The following FRY variants were observed in gnomAD, a reference collection of about 807,000 sequenced individuals.
The protein encoded by FRY is FRY microtubule binding protein.
In FRY, 128 loss-of-function variants were observed where a neutral mutation model predicts 348.4. The observed-to-expected ratio is 0.37, with a 90% CI of 0.32 to 0.43. FRY has a LOEUF of 0.43. FRY is among the 20% of genes least tolerant of loss of function. The pLI is 1.00. For synonymous variants in FRY, 1,370 were observed against 1,374.7 expected (o/e 1.00, Z 0.08); for missense variants, 2,736 against 3,695.2 (o/e 0.74, Z 6.73).
At chr13:32,064,296 C>T (rs146130121) in intron 1 of FRY, among the ~76,000 whole-genome samples, 7 of 152,140 alleles carry the variant, frequency 4.6e-5, no homozygotes, top group African/African-American at 1.7e-4. Context: ...CCCCAGTTCT[C>T]TTCCACTTTG....
At chr13:32,120,368 T>G (rs1878576781) in intron 4 of FRY, among the ~76,000 whole-genome samples, 2 of 152,106 alleles carry the variant, frequency 1.3e-5, no homozygotes, top group African/African-American at 2.4e-5. Context: ...CAATTCCAAA[T>G]GAGCCCTCAA....
At chr13:32,284,531 A>T (rs1566195025) in intron 58 of FRY, among the ~76,000 whole-genome samples, 1 of 152,346 alleles carries the variant, frequency 6.6e-6, no homozygotes, top group East Asian at 1.9e-4. Flanking sequence ...GAAAAAAGTG[A>T]ATGTCTCAGG....
chr13:32,057,386 G>A (rs1873693363), intron 1 of FRY, among the ~76,000 whole-genome samples: 1 of 151,938 alleles, frequency 6.6e-6, no homozygotes, highest in African/African-American at 2.4e-5. Context: ...TAGCCAGGCT[G>A]GTCTCAAACT....
intron 59 of FRY, among the ~76,000 whole-genome samples, chr13:32,293,488 T>A (rs748165669): frequency 2.0e-5 from 3 of 152,158 alleles, no homozygotes; most frequent in African/African-American, 4.8e-5. Flanking sequence ...AGCTGTTGAA[T>A]AAATAACTTT....
At chr13:32,078,431 C>G (rs2138527790) in intron 1 of FRY, among the ~76,000 whole-genome samples, 1 of 152,308 alleles carries the variant, frequency 6.6e-6, no homozygotes. Flanking sequence ...ACAGAGAGCT[C>G]TTGACCATGA....
chr13:32,268,496 AAAAAAAAAAATATAT>A (rs1566182349), intron 55 of FRY, among the ~76,000 whole-genome samples: 1 of 19,630 alleles, frequency 5.1e-5, no homozygotes, highest in African/African-American at 1.2e-4. Flanking sequence ...TAAAAAAAAA[AAAAAAAAAAATATAT>A]ATATATATAT....
rs184079917 is a variant in FRY at position 32,257,117 on chromosome 13, A to T, written c.7416+2723A>T. Among the ~76,000 whole-genome samples, 34 of 152,352 alleles carry T rather than the reference A, an allele frequency of 2.2e-4. 1 individual carries two copies. The highest frequency in any genetic ancestry group is 3.1e-4 in the African/African-American group (13 of 41,596). ...ATATGCAAATATTTCAAAAATTTTT[A>T]AAAATCTGAAATCCAAAACACTTCT... On this transcript the variant is annotated intron_variant, in intron 51 of 60. Coordinates refer to ENST00000542859, the MANE Select transcript of FRY (RefSeq NM_023037.3).
intron 57 of FRY, 92 bp downstream of exon 57, chr13:32,276,654 A>G (rs1028421710): frequency 6.5e-6 from 5 of 767,288 alleles, no homozygotes; most frequent in Non-Finnish European, 1.2e-5. Context: ...GATTAACTTA[A>G]GACTTTCAGA....
At position 32,294,360 on chromosome 13, in the gene FRY, T is replaced by A. The variant is rs1350190772; in HGVS notation, c.8581-8T>A. 1 of 1,606,004 alleles carries A rather than the reference T, an allele frequency of 6.2e-7. No homozygotes were observed. On this transcript the variant is annotated splice_region_variant and splice_polypyrimidine_tract_variant and intron_variant, in intron 59 of 60. Transcript: ENST00000542859. ...AATATAGTTTAAAAAACATTTTTTTTTAAATAGCTGCTGAATATGTCCAGG... is the reference window on the plus strand; with the variant it reads ...AATATAGTTTAAAAAACATTTTTTTATAAATAGCTGCTGAATATGTCCAGG...
At chr13:32,140,576 A>G (rs1225565805) in intron 11 of FRY, among the ~76,000 whole-genome samples, 1 of 152,148 alleles carries the variant, frequency 6.6e-6, no homozygotes, top group East Asian at 1.9e-4. Context: ...CCAACAAGCA[A>G]ATAAATAAAT....
chr13:32,067,537 A>G (rs1376030312), intron 1 of FRY, among the ~76,000 whole-genome samples: 1 of 152,220 alleles, frequency 6.6e-6, no homozygotes, highest in Non-Finnish European at 1.5e-5. Flanking sequence ...AGGATAGATG[A>G]TAGAATCTCC....
intron 11 of FRY, among the ~76,000 whole-genome samples, chr13:32,141,999 AC>A (rs1175491112): frequency 2.0e-5 from 3 of 151,740 alleles, no homozygotes; most frequent in Non-Finnish European, 4.4e-5. Flanking sequence ...GCAGATTCCA[AC>A]AGAAGAATGG....
intron 3 of FRY, among the ~76,000 whole-genome samples, chr13:32,105,895 A>G (rs1245985024): frequency 6.6e-6 from 1 of 151,802 alleles, no homozygotes; most frequent in African/African-American, 2.4e-5. Context: ...TTACTCCTCT[A>G]CCTAACCAGC....
At chr13:32,291,856 G>C (rs1418923755) in intron 59 of FRY, 8 of 337,542 alleles carry the variant, frequency 2.4e-5, no homozygotes, top group Non-Finnish European at 3.6e-5. Flanking sequence ...GGTAAAAATA[G>C]CAAGAGAACT....
intron 3 of FRY, among the ~76,000 whole-genome samples, 177 bp downstream of exon 3, chr13:32,102,193 T>C (rs377099702): frequency 6.6e-6 from 1 of 152,190 alleles, no homozygotes; most frequent in Non-Finnish European, 1.5e-5. Flanking sequence ...GTTCAGTAAA[T>C]GTCTATTGGT....
At chr13:32,173,774 C>T (rs1183887047) in intron 19 of FRY, among the ~76,000 whole-genome samples, 1 of 152,146 alleles carries the variant, frequency 6.6e-6, no homozygotes, top group Non-Finnish European at 1.5e-5. Context: ...TCTCCAGGGA[C>T]ATTACTTTGC....
At chr13:32,259,649 G>T (rs754422346) in intron 51 of FRY, among the ~76,000 whole-genome samples, 24 of 152,280 alleles carry the variant, frequency 1.6e-4, no homozygotes, top group Non-Finnish European at 2.5e-4. Context: ...ATTTGTGTTT[G>T]TATATTTGTC....
chr13:32,226,010 T>C (rs1165714637), intron 39 of FRY, 36 bp downstream of exon 39: 3 of 1,591,874 alleles, frequency 1.9e-6, no homozygotes, highest in East Asian at 2.2e-5. Flanking sequence ...CCTAGGACAG[T>C]TACAAATGCA....
intron 1 of FRY, among the ~76,000 whole-genome samples, chr13:32,059,721 T>A (rs1318604379): frequency 1.3e-5 from 2 of 152,166 alleles, no homozygotes; most frequent in African/African-American, 2.4e-5. Flanking sequence ...ATGTCTATTA[T>A]TCCCCTCTGC....
Sources: allele counts gnomAD v4.1 joint callset (sites outside exome capture counted in the v4.1 genomes callset), GRCh38; gene constraint gnomAD v4.1.1; transcripts MANE v1.5; gene names NCBI Gene and HGNC (gene_info 2026-07-23, HGNC 2026-07-21).